The following DPYD variants were observed in gnomAD, a reference collection of about 807,000 sequenced individuals.
DPYD encodes the protein dihydropyrimidine dehydrogenase [NADP(+)].
A neutral mutation model predicts 116.2 loss-of-function variants in DPYD; 109 were observed. The observed-to-expected ratio is 0.94, with a 90% confidence interval of 0.80 to 1.10. The LOEUF (loss-of-function observed/expected upper bound fraction) is 1.10, where lower values mean the gene tolerates loss of function less well. Ranked by LOEUF, DPYD falls within the 50% of genes least tolerant of loss-of-function variation. The pLI, the probability that DPYD is intolerant of heterozygous loss-of-function variation, is 0.00. For synonymous variants in DPYD, 440 were observed against 432.0 expected (o/e 1.02, Z -0.23); for missense variants, 1,302 against 1,254.5 (o/e 1.04, Z -0.57).
intron 8 of DPYD, among the ~76,000 whole-genome samples, chr1:97,631,034 C>T (rs150442340): frequency 3.0e-4 from 45 of 152,174 alleles, no homozygotes; most frequent in African/African-American, 9.6e-4. Flanking sequence ...GTAGTTGAAA[C>T]AACAAAAACA....
rs147239773 is a variant in DPYD at position 97,816,680 on chromosome 1, A to T, written c.233+11434T>A. 2.4e-3 allele frequency among the ~76,000 whole-genome samples: 358 copies of T among 152,278 alleles called. 2 individuals are homozygous for T. Among genetic ancestry groups the T allele is most frequent in the African/African-American group, 8.3e-3 (346 of 41,572 alleles). On this transcript the variant is annotated intron_variant, in intron 3 of 22. Coordinates refer to ENST00000370192, the MANE Select transcript of DPYD (RefSeq NM_000110.4). ...CACATTTTAACTATAAAACATAAACATGAATAATCAATGCTAGTTAATTCA... is the reference window on the plus strand; with the variant it reads ...CACATTTTAACTATAAAACATAAACTTGAATAATCAATGCTAGTTAATTCA...
chr1:97,776,575 C>T (rs1666417888), intron 3 of DPYD, among the ~76,000 whole-genome samples: 1 of 152,102 alleles, frequency 6.6e-6, no homozygotes, highest in Non-Finnish European at 1.5e-5. Context: ...TCTAGTTTTT[C>T]TATGCTTTTC....
At chr1:97,737,090 G>T (rs1191514780) in intron 4 of DPYD, among the ~76,000 whole-genome samples, 1 of 152,014 alleles carries the variant, frequency 6.6e-6, no homozygotes, top group African/African-American at 2.4e-5. Flanking sequence ...CTATATAGTT[G>T]TCTATTACGG....
At chr1:97,808,769 A>G (rs1415835017) in intron 3 of DPYD, among the ~76,000 whole-genome samples, 1 of 151,228 alleles carries the variant, frequency 6.6e-6, no homozygotes, top group Non-Finnish European at 1.5e-5. Context: ...ATATATCCAT[A>G]ATCTTTAAAA....
chr1:97,449,836 T>C (rs200119814), intron 14 of DPYD, among the ~76,000 whole-genome samples: 2 of 152,232 alleles, frequency 1.3e-5, no homozygotes, highest in East Asian at 1.9e-4. Context: ...ACTTCTTCCA[T>C]CTTACATGGC....
rs528293691 is a variant in DPYD at position 97,255,513 on chromosome 1, T to C, written c.2300-20519A>G. Among the ~76,000 whole-genome samples the C allele has an allele frequency of 1.2e-3, 187 of 152,186 alleles. 1 individual carries two copies. Among genetic ancestry groups the C allele is most frequent in the African/African-American group, 4.4e-3 (181 of 41,534 alleles). ...AGTTCCCCTGCACAAGTTCTCTCTCTTTGCCTGCTGCCATTCATGTAAGTT... is the reference window on the plus strand; with the variant it reads ...AGTTCCCCTGCACAAGTTCTCTCTCCTTGCCTGCTGCCATTCATGTAAGTT... On this transcript the variant is annotated intron_variant, in intron 18 of 22. Transcript: ENST00000370192.
intron 18 of DPYD, among the ~76,000 whole-genome samples, chr1:97,249,192 G>C (rs1221967969): frequency 6.6e-6 from 1 of 151,620 alleles, no homozygotes; most frequent in Non-Finnish European, 1.5e-5. Flanking sequence ...TTTAGGACTT[G>C]CTTTAAATTT....
intron 8 of DPYD, among the ~76,000 whole-genome samples, chr1:97,619,172 GTGTAGTCAAT>G (rs1195573416): frequency 3.9e-5 from 6 of 152,148 alleles, no homozygotes; most frequent in African/African-American, 1.4e-4. Context: ...TTCTAGAAAA[GTGTAGTCAAT>G]TGTTTAGTTT....
chr1:97,504,289 T>C (rs1317755408), intron 13 of DPYD, among the ~76,000 whole-genome samples: 1 of 151,958 alleles, frequency 6.6e-6, no homozygotes, highest in South Asian at 2.1e-4. Flanking sequence ...AAGGTGTGAG[T>C]TGTCTGTTGC....
At chr1:97,137,819 C>G (rs1250058885) in intron 20 of DPYD, among the ~76,000 whole-genome samples, 3 of 152,118 alleles carry the variant, frequency 2.0e-5, no homozygotes, top group African/African-American at 7.2e-5. Context: ...TTGGGAACAT[C>G]TCTGGCTACA....
intron 14 of DPYD, among the ~76,000 whole-genome samples, chr1:97,406,670 C>T (rs1673678425): frequency 6.7e-6 from 1 of 149,992 alleles, no homozygotes; most frequent in Admixed American, 6.7e-5. Context: ...TAGCGTTTTA[C>T]TTGTTAAGAT....
Position 97,083,884 on chromosome 1 carries a change from C to T in DPYD, c.2767-1414G>A, listed in dbSNP as rs183865778. On this transcript the variant is annotated intron_variant, in intron 21 of 22. Coordinates refer to ENST00000370192, the MANE Select transcript of DPYD (RefSeq NM_000110.4). Reference sequence around the variant, plus strand: ...GTCACTACATAACTTGCTCCAATATCTCCTATCTGTTGCCAAGTCTGGGTT... The same window carrying T: ...GTCACTACATAACTTGCTCCAATATTTCCTATCTGTTGCCAAGTCTGGGTT... 2.4e-4 allele frequency among the ~76,000 whole-genome samples: 37 copies of T among 152,244 alleles called. No individual in the cohort carries two copies. In the East Asian group the frequency reaches 6.4e-3, roughly 26 times the overall value.
chr1:97,711,375 T>C (rs552214905), intron 5 of DPYD, among the ~76,000 whole-genome samples: 2 of 152,100 alleles, frequency 1.3e-5, no homozygotes, highest in East Asian at 3.9e-4. Flanking sequence ...AAGCCTGTTA[T>C]AAGATAAAGT....
chr1:97,467,409 C>T (rs1294145539), intron 13 of DPYD, among the ~76,000 whole-genome samples: 1 of 152,236 alleles, frequency 6.6e-6, no homozygotes, highest in East Asian at 1.9e-4. Flanking sequence ...AAGCCCCCTG[C>T]TTCATGATAT....
At chr1:97,191,083 TACAA>T (rs1394150490) in intron 20 of DPYD, among the ~76,000 whole-genome samples, 1 of 141,770 alleles carries the variant, frequency 7.1e-6, no homozygotes, top group East Asian at 2.3e-4. Context: ...CACACGTACA[TACAA>T]ACACACACAC....
At chr1:97,782,603 T>A (rs1468749295) in intron 3 of DPYD, among the ~76,000 whole-genome samples, 3 of 152,178 alleles carry the variant, frequency 2.0e-5, no homozygotes, top group African/African-American at 7.2e-5. Flanking sequence ...TTTCCCTGTT[T>A]AGATTTAAAA....
intron 12 of DPYD, among the ~76,000 whole-genome samples, chr1:97,523,248 A>G (rs1197824300): frequency 3.9e-5 from 6 of 152,208 alleles, no homozygotes; most frequent in Admixed American, 3.3e-4. Context: ...ATAAAGAGCA[A>G]CCTTTCCTTT....
chr1:97,730,560 A>G (rs1663535469), intron 4 of DPYD, among the ~76,000 whole-genome samples: 1 of 152,108 alleles, frequency 6.6e-6, no homozygotes, highest in Non-Finnish European at 1.5e-5. Context: ...AAATCTCTAT[A>G]AAAGGCAAAA....
intron 1 of DPYD, among the ~76,000 whole-genome samples, chr1:97,909,304 A>G (rs928455843): frequency 6.6e-6 from 1 of 151,868 alleles, no homozygotes; most frequent in African/African-American, 2.4e-5. Flanking sequence ...TATATTATCA[A>G]TCCTATTCCC....
Sources: gnomAD v4.1 joint callset for allele counts (sites outside exome capture counted in the v4.1 genomes callset) on GRCh38, gnomAD v4.1.1 for gene constraint, MANE v1.5 for transcripts, NCBI Gene and HGNC (gene_info 2026-07-23, HGNC 2026-07-21) for gene names.